ROBO1: variants seen among roughly 807,000 people sequenced by gnomAD.
ROBO1 encodes the protein roundabout homolog 1.
ROBO1 carries 149 observed loss-of-function variants against 195.9 expected under a neutral mutation model. That is an observed-to-expected ratio of 0.76 (90% CI 0.67 to 0.87). The LOEUF (loss-of-function observed/expected upper bound fraction) is 0.87. Among genes scored for constraint, ROBO1 ranks in the 40% least tolerant of loss-of-function variants. The pLI, the probability that ROBO1 is intolerant of heterozygous loss-of-function variation, is 0.00. For missense variants in ROBO1, 1,933 were observed against 2,068.3 expected (o/e 0.93, Z 1.27); for synonymous variants, 816 against 733.2 (o/e 1.11, Z -1.82).
At chr3:79,649,219 G>A (rs1945925770) in intron 1 of ROBO1, among the ~76,000 whole-genome samples, 1 of 151,774 alleles carries the variant, frequency 6.6e-6, no homozygotes, top group South Asian at 2.1e-4. Flanking sequence ...ATTTTAGCGG[G>A]CAAGAAATAA....
At position 78,600,136 on chromosome 3, in the gene ROBO1, C is replaced by A; in HGVS notation, c.4918G>T (p.Glu1640Ter). The change falls in exon 30 of 31, where the codon GAA becomes TAA. Residue 1640 changes from glutamate (E) to a stop codon, truncating the protein, a stop_gained. Coordinates refer to ENST00000464233, the MANE Select transcript of ROBO1 (RefSeq NM_002941.4). LOFTEE classifies it high-confidence loss of function. ...ACCTCTAATTCTTCATTATTATCTT[C>A]TCCTCTTTCATATCCTCCAAGTACC... Reference protein sequence around the residue: ...MQVLGGYERGEDNNEELEETE... With the variant: ...MQVLGGYERG 6.2e-7 allele frequency: 1 copy of A among 1,612,846 alleles called. No homozygotes were observed. The highest frequency in any genetic ancestry group is 1.1e-5 in the South Asian group (1 of 91,030).
chr3:79,709,517 G>GA (rs5850446), intron 1 of ROBO1, among the ~76,000 whole-genome samples: 43,649 of 150,952 alleles, frequency 0.29, 7,245 homozygotes, highest in African/African-American at 0.47. Flanking sequence ...TAATGTTTCA[G>GA]AAAAAAGGTT....
intron 4 of ROBO1, among the ~76,000 whole-genome samples, chr3:78,843,298 CCTT>C (rs2033406610): frequency 6.6e-6 from 1 of 151,994 alleles, no homozygotes. Context: ...ATCAATACCT[CCTT>C]CATTCACTGA....
chr3:78,960,395 T>C (rs115692620), intron 3 of ROBO1, among the ~76,000 whole-genome samples: 4,069 of 150,006 alleles, frequency 0.027, 81 homozygotes, highest in Non-Finnish European at 0.043. Flanking sequence ...GTATTTGTAA[T>C]ATCTATATTT....
intron 2 of ROBO1, among the ~76,000 whole-genome samples, chr3:79,275,177 G>C (rs1269160912): frequency 6.6e-6 from 1 of 151,734 alleles, no homozygotes; most frequent in Non-Finnish European, 1.5e-5. Context: ...AGACACATAA[G>C]AAAATACAAA....
chr3:78,737,024 TG>T lies in ROBO1; in HGVS notation c.657+9718del, dbSNP rs568885822. Among the ~76,000 whole-genome samples the T allele has an allele frequency of 2.2e-3, 342 of 152,294 alleles. 6 individuals carry two copies. Among genetic ancestry groups the T allele is most frequent in the Admixed American group, 0.02 (310 of 15,300 alleles). On this transcript the variant is annotated intron_variant, in intron 5 of 30. Transcript: ENST00000464233. Reference sequence around the variant, plus strand: ...AAAGAAGTTGATTCATTACACATGGTGGGTACCTTTAGGGCATTAGGACAGA... The same window carrying T: ...AAAGAAGTTGATTCATTACACATGGTGGTACCTTTAGGGCATTAGGACAGA...
At chr3:79,035,384 A>C (rs997036149) in intron 3 of ROBO1, among the ~76,000 whole-genome samples, 1 of 152,200 alleles carries the variant, frequency 6.6e-6, no homozygotes, top group African/African-American at 2.4e-5. Flanking sequence ...GAAATGTTAA[A>C]ATAGAAAGCT....
rs146030208 is a variant in ROBO1, at chr3:78,882,027, C to A, written c.499+56574G>T. 9.2e-3 allele frequency among the ~76,000 whole-genome samples: 1,392 copies of A among 151,910 alleles called. 12 individuals are homozygous for A. The highest frequency in any genetic ancestry group is 0.034 in the Middle Eastern group (10 of 294). On this transcript the variant is annotated intron_variant, in intron 4 of 30. Coordinates refer to ENST00000464233, the MANE Select transcript of ROBO1 (RefSeq NM_002941.4). ...GATGTGATGTTTATGTACCTTGGAG[C>A]CTTGTTTCTCCATTTTTTTAAAAAG...
At chr3:79,467,214 T>C (rs1938009027) in intron 2 of ROBO1, among the ~76,000 whole-genome samples, 3 of 152,068 alleles carry the variant, frequency 2.0e-5, no homozygotes, top group Admixed American at 2.0e-4. Context: ...GATATTGGCC[T>C]GAATAATGTA....
At chr3:79,259,605 G>A (rs1239960107) in intron 2 of ROBO1, among the ~76,000 whole-genome samples, 2 of 151,782 alleles carry the variant, frequency 1.3e-5, no homozygotes, top group Non-Finnish European at 1.5e-5. Context: ...CCCAGCCTCT[G>A]GTGATCATCT....
chr3:79,040,513 C>A (rs1316105329), intron 3 of ROBO1, among the ~76,000 whole-genome samples: 1 of 152,106 alleles, frequency 6.6e-6, no homozygotes, highest in Admixed American at 6.5e-5. Flanking sequence ...AAGGTCAAGT[C>A]ATATCTTTAT....
chr3:79,748,201 A>G (rs1157742846), intron 1 of ROBO1, among the ~76,000 whole-genome samples: 5 of 152,220 alleles, frequency 3.3e-5, no homozygotes, highest in African/African-American at 1.2e-4. Context: ...ATTGAAATGA[A>G]TTCAAGAGAC....
At chr3:79,044,189 G>T (rs7629953) in intron 3 of ROBO1, among the ~76,000 whole-genome samples, 146,305 of 151,678 alleles carry the variant, frequency 0.96, 70,712 homozygotes, top group East Asian at 1. Flanking sequence ...ACAAATTTGT[G>T]TTAGCCTGCA....
chr3:79,033,608 T>A (rs540273149), intron 3 of ROBO1, among the ~76,000 whole-genome samples: 2 of 152,164 alleles, frequency 1.3e-5, no homozygotes, highest in African/African-American at 4.8e-5. Flanking sequence ...CAAAAAGATT[T>A]CTAAAGAATA....
chr3:78,622,632 T>G (rs1248566594), intron 26 of ROBO1, among the ~76,000 whole-genome samples: 2 of 152,040 alleles, frequency 1.3e-5, no homozygotes, highest in Non-Finnish European at 2.9e-5. Flanking sequence ...TCAAGAGAGG[T>G]AGATGAGTTC....
intron 4 of ROBO1, among the ~76,000 whole-genome samples, chr3:78,866,760 A>T (rs1286765872): frequency 6.6e-6 from 1 of 152,188 alleles, no homozygotes; most frequent in African/African-American, 2.4e-5. Flanking sequence ...ATGTATAGTG[A>T]TAGTTCATAT....
intron 4 of ROBO1, among the ~76,000 whole-genome samples, chr3:78,750,095 A>C (rs1023628061): frequency 3.1e-4 from 47 of 152,092 alleles, no homozygotes; most frequent in Non-Finnish European, 1.3e-4. Context: ...TTTTTATTCT[A>C]TTAAATTAGA....
rs1193032128 is a variant in ROBO1, at chr3:78,627,449, A to G, written c.3747T>C (p.Ser1249=). Residue 1249 remains serine (S), a synonymous_variant, in exon 26 of 31, where the codon TCT becomes TCC. Coordinates refer to ENST00000464233, the MANE Select transcript of ROBO1 (RefSeq NM_002941.4). ...PTPPVRGAAS[S]PAAVSYSHQS... ...GATGGCTATAGGACACGGCAGCTGG[A>G]GAAGAAGCTGCTCCCCGAACAGGGG... 6.2e-7 allele frequency: 1 copy of G among 1,613,096 alleles called. No individual in the cohort carries two copies. The highest frequency in any genetic ancestry group is 1.7e-5 in the Admixed American group (1 of 59,914).
At chr3:79,422,482 A>G (rs949330177) in intron 2 of ROBO1, among the ~76,000 whole-genome samples, 6 of 152,176 alleles carry the variant, frequency 3.9e-5, no homozygotes, top group Non-Finnish European at 7.4e-5. Context: ...ACTCTGTCCT[A>G]AAGACTTCGT....
Sources: allele counts gnomAD v4.1 joint callset (sites outside exome capture counted in the v4.1 genomes callset), GRCh38; gene constraint gnomAD v4.1.1; transcripts MANE v1.5; gene names NCBI Gene and HGNC (gene_info 2026-07-23, HGNC 2026-07-21).